The following MYO15A variants were observed in gnomAD, a reference collection of about 807,000 sequenced individuals.
MYO15A encodes unconventional myosin-XV.
A neutral mutation model predicts 394.6 loss-of-function variants in MYO15A; 308 were observed. The observed-to-expected ratio is 0.78, with a 90% CI of 0.71 to 0.86. MYO15A has a LOEUF of 0.86. Ranked by LOEUF, MYO15A falls within the 40% of genes least tolerant of loss-of-function variation. The pLI is 0.00. For missense variants in MYO15A, 4,606 were observed against 4,799.1 expected, an observed-to-expected ratio of 0.96 and a Z score of 1.19; for synonymous variants, 1,957 against 2,003.8, an observed-to-expected ratio of 0.98 and a Z score of 0.62.
chr17:18,134,780 A>G (rs943005207), intron 12 of MYO15A, among the ~76,000 whole-genome samples: 4 of 152,258 alleles, frequency 2.6e-5, no homozygotes, highest in African/African-American at 9.6e-5. Context: ...CTAAGTTTAT[A>G]TATACATTTA....
chr17:18,126,181 C>G (rs954708908), intron 4 of MYO15A, among the ~76,000 whole-genome samples, 166 bp from the exon 5 acceptor site: 2 of 152,244 alleles, frequency 1.3e-5, no homozygotes, highest in African/African-American at 4.8e-5. Flanking sequence ...ACTGTTAGAG[C>G]ACGTAGCCCA....
rs373783080 is a variant in MYO15A at position 18,153,175 on chromosome 17, G to A, written c.7967-600G>A. Among the ~76,000 whole-genome samples the A allele has an allele frequency of 3.9e-5, 6 of 152,098 alleles. No homozygotes were observed. The highest frequency in any genetic ancestry group is 7.2e-5 in the African/African-American group (3 of 41,394). ...TCCCAGCACTTTGGGAGTCCGAGGC[G>A]GGCGGATCACAAGGTCAAGAGATCA... is the stretch of plus-strand genomic sequence containing the variant. On this transcript the variant is annotated intron_variant, in intron 42 of 65. Transcript: ENST00000647165. The surrounding 1 kb of genome is among the most constrained non-coding windows in gnomAD (Gnocchi z 4.1).
rs372191526 is a variant in MYO15A at position 18,156,972 on chromosome 17, G to A, written c.8620G>A (p.Ala2874Thr). ...ELKKDSDYVVAVRNFLPEDPA... is the reference protein window; with the variant it reads ...ELKKDSDYVVTVRNFLPEDPA... ...GACCCAGGACTCTGACTACGTGGTC[G>A]CTGTGAGGAACTTCCTGCCTGAGGA... Residue 2874 changes from alanine to threonine, a missense_variant, in exon 49 of 66, where the codon GCT becomes ACT. This residue lies in a region of MYO15A where 2,776 missense variants were observed against 3,109.3 expected (regional missense o/e 0.89). Transcript: ENST00000647165. The A allele has an allele frequency of 2.4e-5, 38 of 1,614,150 alleles. No individual in the cohort carries two copies. Among genetic ancestry groups the A allele is most frequent in the Middle Eastern group, 1.6e-4 (1 of 6,062 alleles).
At chr17:18,113,481 T>A (rs1006987640) in intron 1 of MYO15A, among the ~76,000 whole-genome samples, 14 of 152,230 alleles carry the variant, frequency 9.2e-5, no homozygotes, top group Middle Eastern at 3.4e-3. Flanking sequence ...CTGAGCATGG[T>A]GGCTCAGTGG....
intron 28 of MYO15A, among the ~76,000 whole-genome samples, chr17:18,144,258 T>C (rs1309395927): frequency 6.6e-6 from 1 of 152,206 alleles, no homozygotes; most frequent in Admixed American, 6.5e-5. Context: ...GGTGGAGCCA[T>C]AGCATGTCAG....
At chr17:18,161,174 G>T (rs1025183966) in intron 56 of MYO15A, 143 bp from the exon 57 acceptor site, 8 of 1,242,474 alleles carry the variant, frequency 6.4e-6, no homozygotes, top group Non-Finnish European at 9.1e-6. Context: ...TATGCCTTTT[G>T]CATATCACTG....
In MYO15A at chr17:18,120,871, G is replaced by C; in HGVS notation, c.2071G>C (p.Ala691Pro). 7.7e-7 allele frequency: 1 copy of C among 1,293,842 alleles called. No homozygotes were observed. Among genetic ancestry groups the C allele is most frequent in the Non-Finnish European group, 9.8e-7 (1 of 1,018,098 alleles). 80.1% of individuals were successfully genotyped at this position (1,293,842 alleles called of 1,614,324 possible). A position where few individuals can be genotyped will look rare whatever the true frequency, so the allele number is the denominator to read the frequency against. The change falls in exon 2 of 66, where the codon GCC becomes CCC. Residue 691 changes from alanine to proline, a missense_variant. Around this residue, in one of 2 missense-constraint regions of MYO15A, gnomAD observed 1,830 missense variants for 1,689.7 expected, o/e 1.08. Transcript: ENST00000647165. ...GGCGCTCTCGGGCCTGCCCCGGCCG[G>C]CCTCGCCCTACGGCTCCCTCCGCCG... Reference protein sequence around the residue: ...SPALSGLPRPASPYGSLRRHP... With the variant: ...SPALSGLPRPPSPYGSLRRHP...
Position 18,141,075 on chromosome 17 carries a change from G to T in MYO15A, c.5463G>T (p.Val1821=). The T allele has an allele frequency of 6.2e-7, 1 of 1,614,072 alleles. No individual in the cohort carries two copies. The highest frequency in any genetic ancestry group is 1.3e-5 in the African/African-American group (1 of 75,064). Residue 1821 remains valine, a synonymous_variant, in exon 22 of 66, where the codon GTG becomes GTT. Coordinates refer to ENST00000647165, the MANE Select transcript of MYO15A (RefSeq NM_016239.4). ...VVMAQLRYSG[V]LETVRIRKEG... is the part of the protein sequence containing the mutation. The stretch of plus-strand genomic sequence containing the variant: ...TGGCACAATTACGCTATTCAGGGGT[G>T]CTGGAGACCGTGAGGATCCGCAAGG...
intron 29 of MYO15A, 82 bp from the exon 30 acceptor site, chr17:18,145,790 C>T: frequency 8.3e-7 from 1 of 1,203,654 alleles, no homozygotes. Flanking sequence ...ATGGGAGGGA[C>T]ATGAGAGGGA....
In MYO15A at chr17:18,161,328, A is replaced by G. The variant is rs772331467; in HGVS notation, c.9398A>G (p.Gln3133Arg). 116 of 1,614,004 alleles carry G rather than the reference A, an allele frequency of 7.2e-5. No individual in the cohort carries two copies. The highest frequency in any genetic ancestry group is 9.7e-5 in the Non-Finnish European group (115 of 1,180,010). Residue 3133 changes from glutamine (Q) to arginine (R), a missense_variant, in exon 57 of 66, where the codon CAG (glutamine) becomes CGG (arginine). By Grantham distance (43) the Gln-to-Arg change is conservative. Coordinates refer to ENST00000647165, the MANE Select transcript of MYO15A (RefSeq NM_016239.4). The part of the protein sequence containing the change: ...DNTSSKQDSC[Q>R]RGWRLLYIVT... ...ATGTGTCCTTGCAGGGACAGCTGCCAGCGAGGCTGGAGGCTGCTGTATATC... is the reference window on the plus strand; with the variant it reads ...ATGTGTCCTTGCAGGGACAGCTGCCGGCGAGGCTGGAGGCTGCTGTATATC...
In MYO15A at chr17:18,167,319, G is replaced by A. The variant is rs114749971; in HGVS notation, c.9949-271G>A. On this transcript the variant is annotated intron_variant, in intron 61 of 65. Transcript: ENST00000647165. ...GGCCTGATAGATACATGTCCACACT[G>A]CAGTGTTGATGCTCTGCTCTCACCA... Among the ~76,000 whole-genome samples the A allele has an allele frequency of 2.7e-3, 405 of 152,314 alleles. 2 individuals are homozygous for A. Among genetic ancestry groups the A allele is most frequent in the African/African-American group, 9.4e-3 (389 of 41,560 alleles).
At chr17:18,125,303 G>T in intron 4 of MYO15A, 72 bp downstream of exon 4, 1 of 1,449,006 alleles carries the variant, frequency 6.9e-7, no homozygotes, top group Non-Finnish European at 9.7e-7. Context: ...CGGGTGGGAC[G>T]CACAGATTTC....
intron 65 of MYO15A, chr17:18,176,736 A>T (rs1477509092): frequency 6.6e-6 from 1 of 151,846 alleles, no homozygotes; most frequent in Non-Finnish European, 1.5e-5. Context: ...GGGTTTCACC[A>T]TGTTGGCCAG....
At position 18,150,681 on chromosome 17, in the gene MYO15A, C is replaced by G; in HGVS notation, c.7328-17C>G. 1 of 1,590,328 alleles carries G rather than the reference C, an allele frequency of 6.3e-7. No homozygotes were observed. Among genetic ancestry groups the G allele is most frequent in the African/African-American group, 1.3e-5 (1 of 74,360 alleles). On this transcript the variant is annotated splice_polypyrimidine_tract_variant and intron_variant, in intron 36 of 65. Transcript: ENST00000647165. This position sits in a 1 kb window ranked among gnomAD's most constrained non-coding sequence, Gnocchi z 4.4. ...GCATCTCCGGTGCCATCTGTGCCTT[C>G]TGCCCCCTCCCCTCAGTCCCAGGCC...
chr17:18,125,185 C>T lies in MYO15A; in HGVS notation c.3710C>T (p.Thr1237Ile), dbSNP rs762252599. ...CCTTCTAGAGACCTCCAGGAAACCA[C>T]TGTGCTGTCCAACCTCAAGATTAGA... is the stretch of plus-strand genomic sequence containing the variant. Reference protein sequence around the residue: ...MTQLEDLQETTVLSNLKIRFE... With the variant: ...MTQLEDLQETIVLSNLKIRFE... Residue 1237 changes from threonine (T) to isoleucine (I), a missense_variant, in exon 4 of 66, where the codon ACT (threonine) becomes ATT (isoleucine). This residue lies in a region of MYO15A where 2,776 missense variants were observed against 3,109.3 expected (regional missense o/e 0.89). Transcript: ENST00000647165. 1.1e-5 allele frequency: 18 copies of T among 1,614,160 alleles called. 1 individual carries two copies. In the South Asian group the frequency reaches 1.8e-4, roughly 16 times the overall value.
At chr17:18,157,643 T>A in intron 50 of MYO15A, 79 bp from the exon 51 acceptor site, 1 of 1,590,900 alleles carries the variant, frequency 6.3e-7, no homozygotes, top group Non-Finnish European at 8.5e-7. Flanking sequence ...TTAAGAATGT[T>A]CCCAAATCTC....
chr17:18,172,482 C>CTATGGGTGGGGCT, intron 64 of MYO15A, 192 bp downstream of exon 64: 1 of 862,592 alleles, frequency 1.2e-6, no homozygotes, highest in Non-Finnish European at 1.9e-6. Flanking sequence ...GAGTTGAGCC[C>CTATGGGTGGGGCT]CACCCATAGG....
chr17:18,152,689 T>C (rs966478309), intron 42 of MYO15A, among the ~76,000 whole-genome samples: 1 of 152,166 alleles, frequency 6.6e-6, no homozygotes, highest in Admixed American at 6.5e-5. Flanking sequence ...CGCGACATGA[T>C]GTGCCCACCT....
rs200843771 is a variant in MYO15A at position 18,171,649 on chromosome 17, A to G, written c.10094A>G (p.Gln3365Arg). The G allele has an allele frequency of 7.6e-5, 123 of 1,613,928 alleles. No individual in the cohort carries two copies. The African/African-American group carries it at 1.5e-3, about 20-fold the overall frequency. ...TCCTCCGTACACAGGCGGGAAGTCCAGGAGTACATCCCAGCCCAGCTCTAC... is the reference window on the plus strand; with the variant it reads ...TCCTCCGTACACAGGCGGGAAGTCCGGGAGTACATCCCAGCCCAGCTCTAC... ...HFYLPSVREV[Q>R]EYIPAQLYRT... The change falls in exon 63 of 66, where the codon CAG (glutamine) becomes CGG (arginine). Residue 3365 changes from glutamine (Q) to arginine (R), a missense_variant. Around this residue, in one of 2 missense-constraint regions of MYO15A, gnomAD observed 2,776 missense variants for 3,109.3 expected, o/e 0.89. Transcript: ENST00000647165.
Sources: gnomAD v4.1 joint callset for allele counts (sites outside exome capture counted in the v4.1 genomes callset) on GRCh38, gnomAD v4.1.1 for gene constraint, gnomAD v4.1.1 regional missense constraint, Gnocchi (gnomAD v3.1) non-coding constraint, MANE v1.5 for transcripts, NCBI Gene and HGNC (gene_info 2026-07-23, HGNC 2026-07-21) for gene names.